The following NRK variants were observed in gnomAD, a reference collection of about 807,000 sequenced individuals.
NRK encodes the protein Nik related kinase, also known as nik-related protein kinase.
NRK carries 67 observed loss-of-function variants against 125.2 expected under a neutral mutation model. That is an observed-to-expected ratio of 0.54 (90% CI 0.44 to 0.66). NRK has a LOEUF of 0.66. Among genes scored for constraint, NRK ranks in the 30% least tolerant of loss-of-function variants. The pLI, the probability that NRK is intolerant of heterozygous loss-of-function variation, is 0.00. For synonymous variants in NRK, 458 were observed against 429.0 expected, an observed-to-expected ratio of 1.07 and a Z score of -0.84; for missense variants, 1,224 against 1,192.9, an observed-to-expected ratio of 1.03 and a Z score of -0.38.
Position 105,923,378 on chromosome X carries a change from C to T in NRK, c.2871C>T (p.Asn957=). The T allele has an allele frequency of 1.7e-6, 2 of 1,160,849 alleles. No homozygotes were observed. The highest frequency in any genetic ancestry group is 2.3e-6 in the Non-Finnish European group (2 of 866,311). ...CCAATGGCAATGATGACTTGGATAACCAGGTTGATCAGGCTAATGATGTTT... is the reference window on the plus strand; with the variant it reads ...CCAATGGCAATGATGACTTGGATAATCAGGTTGATCAGGCTAATGATGTTT... ...DHANGNDDLD[N]QVDQANDVCK... Residue 957 remains asparagine, a synonymous_variant, in exon 18 of 29, where the codon AAC becomes AAT. Coordinates refer to ENST00000243300, the MANE Select transcript of NRK (RefSeq NM_198465.4).
intron 2 of NRK, among the ~76,000 whole-genome samples, chrX:105,862,895 A>C (rs939748818): frequency 2.7e-5 from 3 of 112,338 alleles, no homozygotes; most frequent in Non-Finnish European, 5.6e-5. Context: ...TTATACTTTA[A>C]CAATTCTTAA....
At chrX:105,873,789 T>A (rs1180480408) in intron 2 of NRK, among the ~76,000 whole-genome samples, 1 of 111,619 alleles carries the variant, frequency 9.0e-6, no homozygotes, top group Admixed American at 9.5e-5. Context: ...ATCTTCAGGG[T>A]CCATTTGACA....
In NRK at chrX:105,898,275, A is replaced by G. The variant is rs188345432; in HGVS notation, c.581-309A>G. On this transcript the variant is annotated intron_variant, in intron 7 of 28. Coordinates refer to ENST00000243300, the MANE Select transcript of NRK (RefSeq NM_198465.4). ...TCCAGCTTGGTTCCCAGGTCCAAACACTACATATGTTATCATTTCGGAGGT... is the reference window on the plus strand; with the variant it reads ...TCCAGCTTGGTTCCCAGGTCCAAACGCTACATATGTTATCATTTCGGAGGT... 1.3e-4 allele frequency among the ~76,000 whole-genome samples: 14 copies of G among 111,920 alleles called. No homozygotes were observed. The East Asian group carries it at 3.9e-3, about 32-fold the overall frequency.
At chrX:105,884,256 TATAGGTAAATCCAGTGGAA>T (rs1047167648) in intron 4 of NRK, among the ~76,000 whole-genome samples, 4 of 111,973 alleles carry the variant, frequency 3.6e-5, no homozygotes, top group African/African-American at 1.3e-4. Context: ...GTTGAATGTT[TATAGGTAAATCCAGTGGAA>T]AATCCTTGGG....
At chrX:105,893,974 C>A in intron 6 of NRK, 32 bp downstream of exon 6, 1 of 813,314 alleles carries the variant, frequency 1.2e-6, no homozygotes, top group Non-Finnish European at 1.8e-6. Flanking sequence ...CTCTTCTGAT[C>A]TTTTAAGAAC....
intron 1 of NRK, among the ~76,000 whole-genome samples, chrX:105,827,669 T>G (rs1418237698): frequency 8.9e-6 from 1 of 112,308 alleles, no homozygotes; most frequent in Non-Finnish European, 1.9e-5. Flanking sequence ...CTGCAGGAGA[T>G]AATTTAGATG....
chrX:105,894,174 G>C (rs944738171), intron 6 of NRK, among the ~76,000 whole-genome samples: 2 of 111,616 alleles, frequency 1.8e-5, no homozygotes, highest in African/African-American at 6.5e-5. Context: ...TACCTCTGTC[G>C]GATTAAGACT....
chrX:105,882,311 A>G (rs1437272428), intron 4 of NRK, among the ~76,000 whole-genome samples: 3 of 108,486 alleles, frequency 2.8e-5, no homozygotes, highest in Non-Finnish European at 5.7e-5. Context: ...ACTTAGCCTC[A>G]AGGTCTTCAG....
intron 2 of NRK, among the ~76,000 whole-genome samples, chrX:105,839,348 G>A (rs2039302674): frequency 9.0e-6 from 1 of 111,108 alleles, no homozygotes; most frequent in Non-Finnish European, 1.9e-5. Flanking sequence ...AAAGCACATA[G>A]CACTATGCAT....
At chrX:105,891,183 TTTC>T (rs2040012554) in intron 5 of NRK, among the ~76,000 whole-genome samples, 1 of 111,641 alleles carries the variant, frequency 9.0e-6, no homozygotes, top group African/African-American at 3.3e-5. Flanking sequence ...GACTTATCCT[TTTC>T]TTAGTCATTA....
chrX:105,903,506 AC>A (rs1374367954), intron 9 of NRK, among the ~76,000 whole-genome samples: 1 of 111,600 alleles, frequency 9.0e-6, no homozygotes, highest in Non-Finnish European at 1.9e-5. Flanking sequence ...TATGTGTCCA[AC>A]CCTTCAAGAG....
chrX:105,880,634 T>C (rs1051657557), intron 3 of NRK, among the ~76,000 whole-genome samples: 2 of 111,040 alleles, frequency 1.8e-5, no homozygotes, highest in Non-Finnish European at 3.8e-5. Context: ...ATTTTCCCTC[T>C]CCAATGATTT....
chrX:105,934,453 G>T lies in NRK; in HGVS notation c.3499+9G>T, dbSNP rs774330470. 5.3e-6 allele frequency: 6 copies of T among 1,122,206 alleles called. No individual in the cohort carries two copies. In the Admixed American group the frequency reaches 1.4e-4, roughly 26 times the overall value. 92.5% of individuals were successfully genotyped at this position (1,122,206 alleles called of 1,213,427 possible). A position where few individuals can be genotyped will look rare whatever the true frequency, so the allele number is the denominator to read the frequency against. ...CTTTGCCAGTGCCATCTGTGAGTGT[G>T]TTCAATGTAATCTCTAAATGCTACT... On this transcript the variant is annotated intron_variant, in intron 20 of 28. Coordinates refer to ENST00000243300, the MANE Select transcript of NRK (RefSeq NM_198465.4).
At chrX:105,886,411 A>T (rs913457568) in intron 4 of NRK, among the ~76,000 whole-genome samples, 9 of 105,427 alleles carry the variant, frequency 8.5e-5, no homozygotes, top group African/African-American at 3.1e-4. Flanking sequence ...ACACACATGT[A>T]TATATACATA....
chrX:105,953,478 A>T (rs1227259181), intron 28 of NRK, among the ~76,000 whole-genome samples: 1 of 112,024 alleles, frequency 8.9e-6, no homozygotes, highest in Non-Finnish European at 1.9e-5. Flanking sequence ...TCTTTGATTC[A>T]TAGTACCTTT....
chrX:105,872,336 C>T (rs930889285), intron 2 of NRK, among the ~76,000 whole-genome samples: 18 of 111,535 alleles, frequency 1.6e-4, no homozygotes, highest in African/African-American at 3.6e-4. Flanking sequence ...TACCAAATAG[C>T]GCCTGTCAAA....
Position 105,886,526 on chromosome X carries a change from G to A in NRK, c.253-1768G>A, listed in dbSNP as rs148221665. The stretch of plus-strand genomic sequence containing the variant: ...CATATTGATAATTATATATATATAC[G>A]TGTGTGTGTATGTGTGTGTGTGTGT... On this transcript the variant is annotated intron_variant, in intron 4 of 28. Transcript: ENST00000243300. Among the ~76,000 whole-genome samples, 296 of 100,575 alleles carry A rather than the reference G, an allele frequency of 2.9e-3. 2 individuals carry two copies. In the East Asian group the frequency reaches 0.06, roughly 20 times the overall value. The allele number at this position is 100,575 out of a possible 115,157, so 87.3% of individuals were successfully genotyped here.
At chrX:105,934,837 A>T (rs1446934729) in intron 20 of NRK, among the ~76,000 whole-genome samples, 1 of 111,936 alleles carries the variant, frequency 8.9e-6, no homozygotes, top group Non-Finnish European at 1.9e-5. Context: ...TTGAAATAAG[A>T]TCTCGCTCTG....
chrX:105,902,634 C>G lies in NRK; in HGVS notation c.766+1962C>G, dbSNP rs368931726. Among the ~76,000 whole-genome samples the G allele has an allele frequency of 4.5e-5, 5 of 111,888 alleles. No individual in the cohort carries two copies. In the East Asian group the frequency reaches 8.5e-4, roughly 19 times the overall value. On this transcript the variant is annotated intron_variant, in intron 9 of 28. Coordinates refer to ENST00000243300, the MANE Select transcript of NRK (RefSeq NM_198465.4). ...TGCCATGGGGCATAGGTTCCCAAAC[C>G]CTGGGCCACACAGCAGGAGGTGAGC...
Sources: allele counts gnomAD v4.1 joint callset (sites outside exome capture counted in the v4.1 genomes callset), GRCh38; gene constraint gnomAD v4.1.1; transcripts MANE v1.5; gene names NCBI Gene and HGNC (gene_info 2026-07-23, HGNC 2026-07-21).